VAMP1: variants seen among roughly 807,000 people sequenced by gnomAD.
VAMP1 encodes vesicle-associated membrane protein 1.
A neutral mutation model predicts 19.1 loss-of-function variants in VAMP1; 16 were observed. That is an observed-to-expected ratio of 0.84 (90% CI 0.57 to 1.27). The LOEUF (loss-of-function observed/expected upper bound fraction) is 1.27. Ranked by LOEUF, VAMP1 falls within the 50% of genes most tolerant of loss-of-function variation. The pLI is 0.00. For synonymous variants in VAMP1, 37 were observed against 50.2 expected, an observed-to-expected ratio of 0.74 and a Z score of 1.11; for missense variants, 109 against 145.4, an observed-to-expected ratio of 0.75 and a Z score of 1.29.
Position 6,462,831 on chromosome 12 carries a change from T to C in VAMP1, c.*1639A>G. ...GGTACTGACTGCTTTCTTCCAGCTC[T>C]TCAGTCCCGCCCTTGGGCAGGACGA... On this transcript the variant is annotated 3_prime_UTR_variant, in exon 5 of 5. Coordinates refer to ENST00000396308, the MANE Select transcript of VAMP1 (RefSeq NM_014231.5). The C allele has an allele frequency of 1.2e-6, 2 of 1,606,170 alleles. No homozygotes were observed. The highest frequency in any genetic ancestry group is 1.7e-6 in the Non-Finnish European group (2 of 1,176,062).
chr12:6,466,121 C>T (rs1950018706), intron 2 of VAMP1, 104 bp downstream of exon 2: 6 of 1,610,946 alleles, frequency 3.7e-6, no homozygotes, highest in Non-Finnish European at 5.1e-6. Flanking sequence ...CCTCTCAGGG[C>T]CTTTGACTAT....
In VAMP1 at chr12:6,467,511, T is replaced by TCAAA. The variant is rs528669370; in HGVS notation, c.3-1161_3-1160insTTTG. ...CCTGCCCTAGAAATTTGTGGAACTTTGAACTTGAGAGAGATAATTTAGGGT... is the reference window on the plus strand; with the variant it reads ...CCTGCCCTAGAAATTTGTGGAACTTTCAAAGAACTTGAGAGAGATAATTTAGGGT... On this transcript the variant is annotated intron_variant, in intron 1 of 4. Coordinates refer to ENST00000396308, the MANE Select transcript of VAMP1 (RefSeq NM_014231.5). Among the ~76,000 whole-genome samples the TCAAA allele has an allele frequency of 6.0e-4, 92 of 152,320 alleles. 1 individual carries two copies. The South Asian group carries it at 0.018, about 30-fold the overall frequency.
chr12:6,463,845 A>T lies in VAMP1; in HGVS notation c.*625T>A. The T allele has an allele frequency of 8.1e-7, 1 of 1,241,396 alleles. No homozygotes were observed. Among genetic ancestry groups the T allele is most frequent in the Non-Finnish European group, 1.0e-6 (1 of 966,918 alleles). 76.9% of individuals were successfully genotyped at this position (1,241,396 alleles called of 1,614,324 possible). On this transcript the variant is annotated 3_prime_UTR_variant, in exon 5 of 5. Coordinates refer to ENST00000396308, the MANE Select transcript of VAMP1 (RefSeq NM_014231.5). The surrounding 1 kb of genome is among the most constrained non-coding windows in gnomAD (Gnocchi z 4.0). ...TCCAGGCCTCTGGAGAACAAAGTAA[A>T]GTTGTAAGATCCCCAAAGACACGGA...
intron 1 of VAMP1, among the ~76,000 whole-genome samples, chr12:6,469,906 A>G (rs116016953): frequency 6.6e-6 from 1 of 152,250 alleles, no homozygotes; most frequent in African/African-American, 2.4e-5. Flanking sequence ...CTCCTATACG[A>G]ATGGCCTTGG....
At chr12:6,466,449 G>A (rs1445716412) in intron 1 of VAMP1, 98 bp from the exon 2 acceptor site, 8 of 1,368,014 alleles carry the variant, frequency 5.8e-6, no homozygotes, top group Non-Finnish European at 7.9e-6. Flanking sequence ...TCAAGAGGCT[G>A]AAGTGGGAGG....
chr12:6,468,243 G>A (rs552805960), intron 1 of VAMP1, among the ~76,000 whole-genome samples: 72 of 152,346 alleles, frequency 4.7e-4, no homozygotes, highest in Non-Finnish European at 7.6e-4. Flanking sequence ...GCTGTACACT[G>A]TAATGTCTGT....
intron 1 of VAMP1, among the ~76,000 whole-genome samples, chr12:6,469,370 G>A (rs1294451751): frequency 6.6e-6 from 1 of 152,144 alleles, no homozygotes; most frequent in Non-Finnish European, 1.5e-5. Context: ...TTTTTCTGTT[G>A]CCTTCTGTTC....
rs1216241864 is a variant in VAMP1 at position 6,465,402 on chromosome 12, ATG to A, written c.288+438_288+439del. The A allele has an allele frequency of 5.1e-4, 34 of 66,466 alleles. 1 individual carries two copies. Among genetic ancestry groups the A allele is most frequent in the African/African-American group, 1.5e-3 (33 of 22,470 alleles). 4.1% of individuals were successfully genotyped at this position (66,466 alleles called of 1,614,324 possible). A position where few individuals can be genotyped will look rare whatever the true frequency, so the allele number is the denominator to read the frequency against. On this transcript the variant is annotated intron_variant, in intron 3 of 4. Coordinates refer to ENST00000396308, the MANE Select transcript of VAMP1 (RefSeq NM_014231.5). ...TATATATATGTATATATATATATAAATGTATATATATGTATATATATATATAA... is the reference window on the plus strand; with the variant it reads ...TATATATATGTATATATATATATAAATATATATATGTATATATATATATAA...
In VAMP1 at chr12:6,466,344, G is replaced by C. The variant is rs1565527325; in HGVS notation, c.10C>G (p.Pro4Ala). 1.2e-6 allele frequency: 2 copies of C among 1,613,152 alleles called. No homozygotes were observed. The highest frequency in any genetic ancestry group is 1.7e-6 in the Non-Finnish European group (2 of 1,179,644). The change falls in exon 2 of 5, where the codon CCA (proline) becomes GCA (alanine). Residue 4 changes from proline (P) to alanine (A), a missense_variant. Coordinates refer to ENST00000396308, the MANE Select transcript of VAMP1 (RefSeq NM_014231.5). MSA[P>A]AQPPAEGTEG... ...GTCCCTTCAGCAGGTGGCTGAGCTG[G>C]AGCAGACCTGTGGAAAGACATGTGC...
At position 6,463,722 on chromosome 12, in the gene VAMP1, A is replaced by C; in HGVS notation, c.*748T>G. ...GGTGCCCTCATACAGAATGCTGTAG[A>C]AAATGTAAAGAAGAGAAAGCTCCTT... is the stretch of plus-strand genomic sequence containing the variant. On this transcript the variant is annotated 3_prime_UTR_variant, in exon 5 of 5. Coordinates refer to ENST00000396308, the MANE Select transcript of VAMP1 (RefSeq NM_014231.5). The surrounding 1 kb of genome is among the most constrained non-coding windows in gnomAD (Gnocchi z 4.0). 3 of 1,152,830 alleles carry C rather than the reference A, an allele frequency of 2.6e-6. No individual in the cohort carries two copies. Among genetic ancestry groups the C allele is most frequent in the Non-Finnish European group, 3.2e-6 (3 of 925,406 alleles). 71.4% of individuals were successfully genotyped at this position (1,152,830 alleles called of 1,614,324 possible).
rs946025550 is a variant in VAMP1, at chr12:6,462,594, A to T, written c.*1876T>A. 7 of 587,442 alleles carry T rather than the reference A, an allele frequency of 1.2e-5. No individual in the cohort carries two copies. The highest frequency in any genetic ancestry group is 3.2e-5 in the Admixed American group (1 of 30,884). The allele number at this position is 587,442 out of a possible 1,614,324, so 36.4% of individuals were successfully genotyped here. A position where few individuals can be genotyped will look rare whatever the true frequency, so the allele number is the denominator to read the frequency against. On this transcript the variant is annotated 3_prime_UTR_variant, in exon 5 of 5. Transcript: ENST00000396308. ...GAAAGTAGAAGGGCTAATACCCCCAAAGAACAAGGCCAACTACACCTGGTG... is the reference window on the plus strand; with the variant it reads ...GAAAGTAGAAGGGCTAATACCCCCATAGAACAAGGCCAACTACACCTGGTG...
intron 2 of VAMP1, 84 bp downstream of exon 2, chr12:6,466,140 GA>G: frequency 6.2e-7 from 1 of 1,610,082 alleles, no homozygotes; most frequent in Admixed American, 1.7e-5. Flanking sequence ...ATTCTCCTAC[GA>G]AAAAAGGAGA....
Position 6,464,099 on chromosome 12 carries a change from ACCGATACT to A in VAMP1, c.*363_*370del. 7.6e-7 allele frequency: 1 copy of A among 1,315,068 alleles called. No homozygotes were observed. Among genetic ancestry groups the A allele is most frequent in the Middle Eastern group, 2.1e-4 (1 of 4,864 alleles). The allele number at this position is 1,315,068 out of a possible 1,614,324, so 81.5% of individuals were successfully genotyped here. ...AGGTTTTCTAGAAGTCACCATGGGC[ACCGATACT>A]CTTCTCCTCCCAAGTCTGGGCAGCT... On this transcript the variant is annotated 3_prime_UTR_variant, in exon 5 of 5. Transcript: ENST00000396308.
intron 1 of VAMP1, among the ~76,000 whole-genome samples, chr12:6,469,660 C>T (rs1205667031): frequency 6.6e-6 from 1 of 152,154 alleles, no homozygotes; most frequent in Non-Finnish European, 1.5e-5. Context: ...AACATAAATA[C>T]ATCTAGGACC....
At position 6,464,326 on chromosome 12, in the gene VAMP1, G is replaced by C. The variant is rs770880125; in HGVS notation, c.*144C>G. 6.8e-5 allele frequency: 105 copies of C among 1,548,526 alleles called. No individual in the cohort carries two copies. In the Middle Eastern group the frequency reaches 8.3e-4, roughly 12 times the overall value. On this transcript the variant is annotated 3_prime_UTR_variant, in exon 5 of 5. Transcript: ENST00000396308. ...GTTGAGGGACAGAGTGCAAATGAAC[G>C]CAACGAAAAAGGAGGAATGGGTGAT...
At chr12:6,467,308 C>A (rs1177235884) in intron 1 of VAMP1, among the ~76,000 whole-genome samples, 1 of 152,036 alleles carries the variant, frequency 6.6e-6, no homozygotes, top group Non-Finnish European at 1.5e-5. Context: ...CAGGAAAATG[C>A]GGGAAAGTTT....
chr12:6,464,886 T>C lies in VAMP1; in HGVS notation c.340+4A>G, dbSNP rs149726934. 6.2e-7 allele frequency: 1 copy of C among 1,613,978 alleles called. No individual in the cohort carries two copies. The highest frequency in any genetic ancestry group is 1.3e-5 in the African/African-American group (1 of 74,994). ...ACCCCACCAGCAACTTCAGCGATAC[T>C]TACTTACAATAACTACCACGATGAT... is the stretch of plus-strand genomic sequence containing the variant. On this transcript the variant is annotated splice_donor_region_variant and intron_variant, in intron 4 of 4. Coordinates refer to ENST00000396308, the MANE Select transcript of VAMP1 (RefSeq NM_014231.5).
chr12:6,463,859 C>G lies in VAMP1; in HGVS notation c.*611G>C. Reference sequence around the variant, plus strand: ...GAACAAAGTAAAGTTGTAAGATCCCCAAAGACACGGAAAATCCTGGACGAA... The same window carrying G: ...GAACAAAGTAAAGTTGTAAGATCCCGAAAGACACGGAAAATCCTGGACGAA... On this transcript the variant is annotated 3_prime_UTR_variant, in exon 5 of 5. Transcript: ENST00000396308. The surrounding 1 kb of genome is among the most constrained non-coding windows in gnomAD (Gnocchi z 4.0). 1 of 1,259,664 alleles carries G rather than the reference C, an allele frequency of 7.9e-7. No individual in the cohort carries two copies. The highest frequency in any genetic ancestry group is 5.6e-5 in the East Asian group (1 of 17,798). The allele number at this position is 1,259,664 out of a possible 1,614,324, so 78.0% of individuals were successfully genotyped here. A position where few individuals can be genotyped will look rare whatever the true frequency, so the allele number is the denominator to read the frequency against.
intron 1 of VAMP1, 126 bp downstream of exon 1, chr12:6,470,404 C>T: frequency 7.0e-7 from 1 of 1,432,062 alleles, no homozygotes; most frequent in South Asian, 1.2e-5. Context: ...CCGGAAGCGG[C>T]GCGCGGTGGT....
Sources: gnomAD v4.1 joint callset for allele counts (sites outside exome capture counted in the v4.1 genomes callset) on GRCh38, gnomAD v4.1.1 for gene constraint, Gnocchi (gnomAD v3.1) non-coding constraint, MANE v1.5 for transcripts, NCBI Gene and HGNC (gene_info 2026-07-23, HGNC 2026-07-21) for gene names.